The following ADCY2 variants were observed in gnomAD, a reference collection of about 807,000 sequenced individuals.
The protein encoded by ADCY2 is adenylate cyclase type 2.
Under a neutral mutation model 125.2 loss-of-function variants are expected in ADCY2, and 31 were observed. That is an observed-to-expected ratio of 0.25 (90% confidence interval 0.19 to 0.33). The LOEUF is 0.33. Among genes scored for constraint, ADCY2 ranks in the 10% least tolerant of loss-of-function variants. The pLI is 1.00. For synonymous variants in ADCY2, 512 were observed against 548.4 expected, an observed-to-expected ratio of 0.93 and a Z score of 0.93; for missense variants, 904 against 1,418.2, an observed-to-expected ratio of 0.64 and a Z score of 5.82.
intron 13 of ADCY2, among the ~76,000 whole-genome samples, chr5:7,725,953 A>C (rs1741916844): frequency 6.6e-6 from 1 of 152,220 alleles, no homozygotes; most frequent in African/African-American, 2.4e-5. Context: ...GAGAGCAGCA[A>C]GACTTAAGCT....
intron 15 of ADCY2, among the ~76,000 whole-genome samples, chr5:7,752,660 A>G (rs529204770): frequency 1.3e-4 from 20 of 151,850 alleles, no homozygotes; most frequent in African/African-American, 4.8e-4. Flanking sequence ...AATTTGAGAG[A>G]CTACCAGTTG....
intron 1 of ADCY2, among the ~76,000 whole-genome samples, chr5:7,407,468 G>A (rs192287731): frequency 1.3e-5 from 2 of 152,180 alleles, no homozygotes; most frequent in Non-Finnish European, 2.9e-5. Context: ...TTCTTATGAT[G>A]GCAGGAGAGA....
chr5:7,404,606 ACTTTC>A (rs1478037288), intron 1 of ADCY2, among the ~76,000 whole-genome samples: 2 of 152,206 alleles, frequency 1.3e-5, no homozygotes, highest in African/African-American at 4.8e-5. Flanking sequence ...GGCGATGAAC[ACTTTC>A]CACATGGAAG....
At chr5:7,752,828 C>T (rs1333273924) in intron 15 of ADCY2, among the ~76,000 whole-genome samples, 1 of 151,460 alleles carries the variant, frequency 6.6e-6, no homozygotes, top group African/African-American at 2.4e-5. Flanking sequence ...TGGGATTCAT[C>T]CCACGTTTTT....
chr5:7,508,186 A>C (rs1183255930), intron 2 of ADCY2, among the ~76,000 whole-genome samples: 1 of 152,170 alleles, frequency 6.6e-6, no homozygotes, highest in Admixed American at 6.5e-5. Context: ...CATTTTGCCT[A>C]AGTCCTTCTT....
intron 23 of ADCY2, among the ~76,000 whole-genome samples, 165 bp downstream of exon 23, chr5:7,817,145 GA>G (rs57771304): frequency 0.079 from 11,469 of 145,598 alleles, 1,148 homozygotes; most frequent in African/African-American, 0.24. Context: ...GAACAAATTA[GA>G]AAAAAAAAAA....
intron 2 of ADCY2, among the ~76,000 whole-genome samples, chr5:7,487,573 C>T (rs866067096): frequency 4.6e-5 from 7 of 152,148 alleles, no homozygotes; most frequent in Non-Finnish European, 7.4e-5. Context: ...GTGGGTGAGG[C>T]GACTGCTGAT....
intron 4 of ADCY2, among the ~76,000 whole-genome samples, chr5:7,631,194 G>C (rs1052395560): frequency 6.6e-6 from 1 of 152,044 alleles, no homozygotes; most frequent in Non-Finnish European, 1.5e-5. Flanking sequence ...GACTAACCGG[G>C]CTAATCCAAG....
intron 2 of ADCY2, among the ~76,000 whole-genome samples, chr5:7,436,917 C>T (rs1266095461): frequency 6.6e-6 from 1 of 152,310 alleles, no homozygotes; most frequent in East Asian, 1.9e-4. Context: ...AGCCGAGCCA[C>T]CTTCCCCATG....
chr5:7,433,457 C>G (rs1740681234), intron 2 of ADCY2, among the ~76,000 whole-genome samples: 1 of 151,978 alleles, frequency 6.6e-6, no homozygotes, highest in African/African-American at 2.4e-5. Context: ...GCCTAGGTCA[C>G]CAAGCTGTAT....
At chr5:7,814,697 C>G (rs556431884) in intron 22 of ADCY2, among the ~76,000 whole-genome samples, 35 of 152,310 alleles carry the variant, frequency 2.3e-4, no homozygotes, top group African/African-American at 7.2e-4. Context: ...TGTCTACAGT[C>G]TCCATCTATC....
chr5:7,744,113 A>G (rs1032578397), intron 15 of ADCY2, among the ~76,000 whole-genome samples: 6 of 152,214 alleles, frequency 3.9e-5, no homozygotes, highest in African/African-American at 1.4e-4. Context: ...ATTAAAACTA[A>G]CACAGGAGCA....
intron 4 of ADCY2, among the ~76,000 whole-genome samples, chr5:7,662,670 C>T (rs1018292108): frequency 3.3e-5 from 5 of 152,156 alleles, no homozygotes; most frequent in Non-Finnish European, 5.9e-5. Flanking sequence ...ATTCTCTTAC[C>T]CCCAAAGCCA....
At chr5:7,484,591 T>C (rs1466862329) in intron 2 of ADCY2, among the ~76,000 whole-genome samples, 1 of 152,190 alleles carries the variant, frequency 6.6e-6, no homozygotes, top group African/African-American at 2.4e-5. Flanking sequence ...TTTTATCCTA[T>C]GTCACTGGAA....
intron 4 of ADCY2, among the ~76,000 whole-genome samples, chr5:7,633,369 G>C (rs1738390121): frequency 1.3e-5 from 2 of 151,160 alleles, no homozygotes; most frequent in Admixed American, 6.6e-5. Flanking sequence ...CCGGGAGGCA[G>C]AGGTTGCAGT....
intron 2 of ADCY2, among the ~76,000 whole-genome samples, chr5:7,473,496 A>G (rs1579479127): frequency 1.3e-5 from 2 of 151,310 alleles, no homozygotes; most frequent in African/African-American, 4.9e-5. Flanking sequence ...TGACCCAAAC[A>G]CCTCCCACTA....
At chr5:7,712,758 G>C (rs1359402977) in intron 10 of ADCY2, 98 bp from the exon 11 acceptor site, 3 of 828,300 alleles carry the variant, frequency 3.6e-6, no homozygotes, top group African/African-American at 1.7e-5. Context: ...AAATGTTACT[G>C]TCCATGATAA....
At chr5:7,824,496 G>A (rs995497333) in intron 24 of ADCY2, among the ~76,000 whole-genome samples, 2 of 152,180 alleles carry the variant, frequency 1.3e-5, no homozygotes, top group African/African-American at 2.4e-5. Flanking sequence ...AAGGCCGCTC[G>A]TCCAATGACT....
intron 3 of ADCY2, among the ~76,000 whole-genome samples, chr5:7,592,419 C>CAAATA (rs1328254132): frequency 2.6e-5 from 4 of 151,850 alleles, no homozygotes; most frequent in African/African-American, 9.7e-5. Flanking sequence ...CACCTATAGG[C>CAAATA]AAATAAAATA....
Sources: allele counts gnomAD v4.1 joint callset (sites outside exome capture counted in the v4.1 genomes callset), GRCh38; gene constraint gnomAD v4.1.1; transcripts MANE v1.5; gene names NCBI Gene and HGNC (gene_info 2026-07-23, HGNC 2026-07-21).